The following STK40 variants were observed in gnomAD, a reference collection of about 807,000 sequenced individuals.
The protein encoded by STK40 is serine/threonine-protein kinase 40.
In STK40, 13 loss-of-function variants were observed where a neutral mutation model predicts 47.9. That is an observed-to-expected ratio of 0.27 (90% confidence interval 0.18 to 0.43). The LOEUF is 0.43. Ranked by LOEUF, STK40 falls within the 20% of genes least tolerant of loss-of-function variation. The probability of loss-of-function intolerance (pLI) is 1.00; values close to 1 mark genes in which losing one functional copy is unlikely to be tolerated. For synonymous variants in STK40, 225 were observed against 243.2 expected (o/e 0.93, Z 0.69); for missense variants, 460 against 595.1 (o/e 0.77, Z 2.36).
At chr1:36,344,605 C>G (rs921338515) in intron 7 of STK40, among the ~76,000 whole-genome samples, 1 of 152,226 alleles carries the variant, frequency 6.6e-6, no homozygotes, top group African/African-American at 2.4e-5. Flanking sequence ...CTAGCTGGCT[C>G]CAGATGAGCT....
intron 1 of STK40, among the ~76,000 whole-genome samples, chr1:36,383,693 G>A (rs2124756359): frequency 6.6e-6 from 1 of 152,132 alleles, no homozygotes; most frequent in Admixed American, 6.6e-5. Context: ...GGCTGCCCTG[G>A]GCATGATATC....
chr1:36,378,678 C>T (rs535212560), intron 1 of STK40, among the ~76,000 whole-genome samples: 4 of 152,214 alleles, frequency 2.6e-5, no homozygotes, highest in African/African-American at 7.2e-5. Context: ...AGGATGGTCT[C>T]GATCTCCTGA....
At chr1:36,380,129 G>A (rs1308914228) in intron 1 of STK40, among the ~76,000 whole-genome samples, 1 of 152,326 alleles carries the variant, frequency 6.6e-6, no homozygotes, top group African/African-American at 2.4e-5. Context: ...CTAGGATCTT[G>A]ATTACAGAGC....
rs759242925 is a variant in STK40 at position 36,341,814 on chromosome 1, C to G, written c.1249G>C (p.Ala417Pro). Residue 417 changes from alanine (A) to proline (P), a missense_variant, in exon 11 of 11, where the codon GCA becomes CCA. This residue lies in a region of STK40 where 181 missense variants were observed against 218.9 expected (regional missense o/e 0.83). Coordinates refer to ENST00000373132, the MANE Select transcript of STK40 (RefSeq NM_001282547.2). ...APPVRRLGHD[A>P]QPMTSLDTAI... ...GTGTCCAAGGAGGTCATGGGCTGTG[C>G]GTCGTGGCCCAGCCGTCGCACCGGT... 6.2e-7 allele frequency: 1 copy of G among 1,613,242 alleles called. No homozygotes were observed. Among genetic ancestry groups the G allele is most frequent in the Non-Finnish European group, 8.5e-7 (1 of 1,179,958 alleles).
chr1:36,358,493 A>T lies in STK40; in HGVS notation c.199-111T>A, dbSNP rs78300709. 1.4e-3 allele frequency: 1,930 copies of T among 1,406,444 alleles called. 28 individuals carry two copies. The African/African-American group carries it at 0.025, about 18-fold the overall frequency. 87.1% of individuals were successfully genotyped at this position (1,406,444 alleles called of 1,614,324 possible). ...TTTTACCACATGACATTTGTGCACA[A>T]TGCACACACAAACACACCAAGTGAA... On this transcript the variant is annotated intron_variant, in intron 3 of 10. Transcript: ENST00000373132.
chr1:36,340,478 A>T lies in STK40; in HGVS notation c.*1277T>A, dbSNP rs1307778218. 2 of 152,522 alleles carry T rather than the reference A, an allele frequency of 1.3e-5. No homozygotes were observed. Among genetic ancestry groups the T allele is most frequent in the African/African-American group, 4.8e-5 (2 of 41,352 alleles). 9.4% of individuals were successfully genotyped at this position (152,522 alleles called of 1,614,324 possible). A position where few individuals can be genotyped will look rare whatever the true frequency, so the allele number is the denominator to read the frequency against. On this transcript the variant is annotated 3_prime_UTR_variant, in exon 11 of 11. Coordinates refer to ENST00000373132, the MANE Select transcript of STK40 (RefSeq NM_001282547.2). Reference sequence around the variant, plus strand: ...CCATGACTGCCTGGAGGGGACACTCAGCCTCTCTGAGGACATATGGGGGGT... The same window carrying T: ...CCATGACTGCCTGGAGGGGACACTCTGCCTCTCTGAGGACATATGGGGGGT...
intron 1 of STK40, among the ~76,000 whole-genome samples, chr1:36,377,910 C>T (rs1029967597): frequency 2.6e-5 from 4 of 152,204 alleles, no homozygotes; most frequent in South Asian, 4.1e-4. Context: ...CTAGGCTGAA[C>T]GTGGTAGAGG....
chr1:36,350,139 G>A (rs1646737984), intron 6 of STK40, among the ~76,000 whole-genome samples: 1 of 152,238 alleles, frequency 6.6e-6, no homozygotes, highest in Non-Finnish European at 1.5e-5. Flanking sequence ...GCCAACTCCA[G>A]CGCCTATACA....
At chr1:36,344,674 C>A (rs940255228) in intron 7 of STK40, among the ~76,000 whole-genome samples, 1 of 152,238 alleles carries the variant, frequency 6.6e-6, no homozygotes, top group Non-Finnish European at 1.5e-5. Context: ...GCCCGGATGA[C>A]TACTTGCAGG....
intron 1 of STK40, among the ~76,000 whole-genome samples, chr1:36,377,799 T>C (rs1254550581): frequency 6.6e-6 from 1 of 152,132 alleles, no homozygotes; most frequent in Non-Finnish European, 1.5e-5. Flanking sequence ...GGCTGAAAAC[T>C]GGCTCAGGAT....
chr1:36,381,163 A>T (rs1488578492), intron 1 of STK40, among the ~76,000 whole-genome samples: 1 of 152,144 alleles, frequency 6.6e-6, no homozygotes, highest in African/African-American at 2.4e-5. Flanking sequence ...GATTACTGCA[A>T]CAGCCTCCTA....
chr1:36,363,639 T>C (rs2124741325), intron 1 of STK40, among the ~76,000 whole-genome samples: 1 of 144,250 alleles, frequency 6.9e-6, no homozygotes. Flanking sequence ...ACCCCGTCTC[T>C]ACTAAAAATA....
intron 7 of STK40, 135 bp from the exon 8 acceptor site, chr1:36,344,399 C>A (rs1646681948): frequency 1.7e-6 from 2 of 1,161,816 alleles, no homozygotes; most frequent in Non-Finnish European, 2.3e-6. Context: ...GAGCTCCTGC[C>A]CGTGCTCCCC....
At chr1:36,370,927 A>C (rs949434466) in intron 1 of STK40, among the ~76,000 whole-genome samples, 5 of 149,394 alleles carry the variant, frequency 3.3e-5, no homozygotes, top group Admixed American at 2.7e-4. Context: ...CCCAGGCTGG[A>C]GTGCAGTGGC....
chr1:36,379,149 T>A (rs568824011), intron 1 of STK40, among the ~76,000 whole-genome samples: 1 of 152,342 alleles, frequency 6.6e-6, no homozygotes, highest in South Asian at 2.1e-4. Context: ...CATCCAGACT[T>A]CCTAAAGGCT....
At chr1:36,369,050 A>G (rs931266467) in intron 1 of STK40, among the ~76,000 whole-genome samples, 11 of 152,232 alleles carry the variant, frequency 7.2e-5, no homozygotes, top group African/African-American at 2.7e-4. Flanking sequence ...CACAGCCCAC[A>G]GTGGCAGAAC....
chr1:36,362,762 T>G (rs543262325), intron 1 of STK40: 1 of 152,372 alleles, frequency 6.6e-6, no homozygotes, highest in African/African-American at 2.4e-5. Context: ...ATGTTTTTCC[T>G]GTGTGTGACT....
chr1:36,375,945 C>A (rs910531736), intron 1 of STK40, among the ~76,000 whole-genome samples: 2 of 152,190 alleles, frequency 1.3e-5, no homozygotes, highest in Admixed American at 1.3e-4. Context: ...TCATTTGAAC[C>A]CCAGAGGCGT....
intron 4 of STK40, among the ~76,000 whole-genome samples, chr1:36,357,769 G>T (rs543498626): frequency 6.6e-6 from 1 of 151,900 alleles, no homozygotes; most frequent in Non-Finnish European, 1.5e-5. Flanking sequence ...GGTGTGCGCC[G>T]CCATGCCCAG....
Sources: allele counts gnomAD v4.1 joint callset (sites outside exome capture counted in the v4.1 genomes callset), GRCh38; gene constraint gnomAD v4.1.1; regional missense constraint gnomAD v4.1.1; transcripts MANE v1.5; gene names NCBI Gene and HGNC (gene_info 2026-07-23, HGNC 2026-07-21).